NBAS: variants seen among roughly 807,000 people sequenced by gnomAD.
The protein encoded by NBAS is NBAS subunit of NRZ tethering complex, also known as NAG/BC035112 fusion.
NBAS carries 219 observed loss-of-function variants against 302.5 expected under a neutral mutation model. That is an observed-to-expected ratio of 0.72 (90% CI 0.65 to 0.81). The LOEUF (loss-of-function observed/expected upper bound fraction) is 0.81, where lower values mean the gene tolerates loss of function less well. NBAS is among the 30% of genes least tolerant of loss of function. The pLI is 0.00. For synonymous variants in NBAS, 1,118 were observed against 1,021.6 expected, an observed-to-expected ratio of 1.09 and a Z score of -1.80; for missense variants, 2,932 against 2,841.6, an observed-to-expected ratio of 1.03 and a Z score of -0.72.
At chr2:15,054,198 T>G in the NBAS span, among the ~76,000 whole-genome samples, 6 of 152,312 alleles carry the variant, frequency 3.9e-5, no homozygotes, top group East Asian at 1.2e-3. Context: ...TTTCAGCAAC[T>G]TGAGATAGGT....
At chr2:15,513,752 G>C (rs952625358) in intron 9 of NBAS, among the ~76,000 whole-genome samples, 1 of 151,746 alleles carries the variant, frequency 6.6e-6, no homozygotes, top group Non-Finnish European at 1.5e-5. Context: ...ACTTTGGGAA[G>C]ACAAGGTGGG....
At position 15,308,365 on chromosome 2, in the gene NBAS, C is replaced by CA. The variant is rs1226934286; in HGVS notation, c.4660-13dup. ...TTAGCATCTAACACCTAGGAGGGAA[C>CA]ATGTTAGAATTAACTCAGCTGAAAG... On this transcript the variant is annotated splice_polypyrimidine_tract_variant and intron_variant, in intron 39 of 51. Transcript: ENST00000281513. 6.2e-7 allele frequency: 1 copy of CA among 1,613,560 alleles called. No individual in the cohort carries two copies. The highest frequency in any genetic ancestry group is 2.2e-5 in the East Asian group (1 of 44,872).
the NBAS span, among the ~76,000 whole-genome samples, chr2:15,013,654 C>G: frequency 6.6e-6 from 1 of 151,904 alleles, no homozygotes; most frequent in Non-Finnish European, 1.5e-5. Context: ...TGTGGTGGCA[C>G]ACATCTGTAA....
At chr2:14,910,614 GCTTTCA>G in the NBAS span, among the ~76,000 whole-genome samples, 2 of 152,240 alleles carry the variant, frequency 1.3e-5, 1 homozygote, top group Non-Finnish European at 2.9e-5. Flanking sequence ...CTGCACCAAG[GCTTTCA>G]CTTGATTTTG....
the NBAS span, among the ~76,000 whole-genome samples, chr2:14,965,970 C>T: frequency 6.6e-6 from 1 of 152,052 alleles, no homozygotes. Flanking sequence ...TTAGGGTAGG[C>T]CTGGTGTCCT....
chr2:15,332,525 C>G (rs189424033), intron 35 of NBAS, among the ~76,000 whole-genome samples: 6 of 151,934 alleles, frequency 3.9e-5, no homozygotes, highest in Admixed American at 2.6e-4. Flanking sequence ...GTATTCTAAA[C>G]CGGTTTGGTC....
chr2:15,555,438 A>G (rs1434082671), intron 3 of NBAS, among the ~76,000 whole-genome samples: 2 of 152,132 alleles, frequency 1.3e-5, no homozygotes, highest in African/African-American at 2.4e-5. Context: ...AGAAAAAGGG[A>G]AAGGACTTGA....
intron 42 of NBAS, among the ~76,000 whole-genome samples, chr2:15,279,400 C>A (rs1386275591): frequency 1.3e-5 from 2 of 152,122 alleles, no homozygotes; most frequent in East Asian, 3.9e-4. Flanking sequence ...TATCAACAAC[C>A]ACTTCAAAAC....
intron 11 of NBAS, among the ~76,000 whole-genome samples, chr2:15,490,025 T>C (rs1680788844): frequency 6.6e-6 from 1 of 152,220 alleles, no homozygotes; most frequent in Non-Finnish European, 1.5e-5. Context: ...TGGTAGCAGA[T>C]GACCTCTTAG....
At chr2:15,197,886 A>C (rs528434454) in intron 48 of NBAS, among the ~76,000 whole-genome samples, 13 of 152,312 alleles carry the variant, frequency 8.5e-5, no homozygotes, top group African/African-American at 3.1e-4. Context: ...AATGCTCTCC[A>C]TGTTCCCTTT....
In NBAS at chr2:15,201,162, T is replaced by C. The variant is rs1393881774; in HGVS notation, c.6433-10759A>G. ...AAGAACTGGTAAGCTGTTAGCCTGCTCCTAAGAGACTCATATAATGACACT... is the reference window on the plus strand; with the variant it reads ...AAGAACTGGTAAGCTGTTAGCCTGCCCCTAAGAGACTCATATAATGACACT... On this transcript the variant is annotated intron_variant, in intron 48 of 51. Coordinates refer to ENST00000281513, the MANE Select transcript of NBAS (RefSeq NM_015909.4). Among the ~76,000 whole-genome samples the C allele has an allele frequency of 2.6e-5, 4 of 152,170 alleles. No individual in the cohort carries two copies. The East Asian group carries it at 7.7e-4, about 29-fold the overall frequency.
chr2:14,867,818 T>C, the NBAS span, among the ~76,000 whole-genome samples: 1 of 152,238 alleles, frequency 6.6e-6, no homozygotes, highest in Non-Finnish European at 1.5e-5. Flanking sequence ...TGCTTACCCA[T>C]ATTTTTTTAA....
At chr2:14,930,434 A>G in the NBAS span, among the ~76,000 whole-genome samples, 1 of 152,224 alleles carries the variant, frequency 6.6e-6, no homozygotes, top group Non-Finnish European at 1.5e-5. Flanking sequence ...ATACCTCAAA[A>G]TCATACTGTG....
chr2:15,155,192 T>C, the NBAS span, among the ~76,000 whole-genome samples: 2 of 152,210 alleles, frequency 1.3e-5, no homozygotes, highest in African/African-American at 4.8e-5. Context: ...CCATCTTTTA[T>C]CTATACATAA....
At chr2:14,901,027 T>C in the NBAS span, among the ~76,000 whole-genome samples, 1 of 152,184 alleles carries the variant, frequency 6.6e-6, no homozygotes, top group East Asian at 1.9e-4. Context: ...TTGGGGTCTA[T>C]CTTAAGGACT....
At chr2:14,895,155 G>GATCCAGGT in the NBAS span, among the ~76,000 whole-genome samples, 1 of 111,050 alleles carries the variant, frequency 9.0e-6, no homozygotes, top group Non-Finnish European at 1.8e-5. Flanking sequence ...TAGGAAGCAG[G>GATCCAGGT]ATCCAGGTGT....
At chr2:15,164,098 G>A (rs1040556603), downstream of NBAS, among the ~76,000 whole-genome samples, 2 of 152,138 alleles carry the variant, frequency 1.3e-5, no homozygotes, top group Non-Finnish European at 2.9e-5. Flanking sequence ...TGCCCGGCCC[G>A]GTACTAAAAC....
intron 35 of NBAS, among the ~76,000 whole-genome samples, chr2:15,346,630 G>A (rs917917510): frequency 1.3e-5 from 2 of 152,166 alleles, no homozygotes; most frequent in African/African-American, 4.8e-5. Context: ...AATGCCATTT[G>A]ACCTAGTAAT....
intron 36 of NBAS, among the ~76,000 whole-genome samples, chr2:15,329,116 A>G (rs996067629): frequency 5.3e-5 from 8 of 152,162 alleles, no homozygotes; most frequent in Non-Finnish European, 1.2e-4. Context: ...GCTCTCTCCA[A>G]ATAGATTGTA....
Sources: allele counts gnomAD v4.1 joint callset (sites outside exome capture counted in the v4.1 genomes callset), GRCh38; gene constraint gnomAD v4.1.1; transcripts MANE v1.5; gene names NCBI Gene and HGNC (gene_info 2026-07-23, HGNC 2026-07-21).